Variants in KIF1B observed in about 807,000 individuals in gnomAD.
KIF1B encodes kinesin family member 1B, also known as kinesin-like protein KIF1B.
In KIF1B, 76 loss-of-function variants were observed where a neutral mutation model predicts 241.9. The ratio of observed to expected loss-of-function variants is 0.31; its 90% CI spans 0.26 to 0.38. KIF1B has a LOEUF of 0.38. Ranked by LOEUF, KIF1B falls within the 10% of genes least tolerant of loss-of-function variation. KIF1B has a pLI of 1.00. For synonymous variants in KIF1B, 750 were observed against 796.7 expected, an observed-to-expected ratio of 0.94 and a Z score of 0.99; for missense variants, 1,622 against 2,271.4, an observed-to-expected ratio of 0.71 and a Z score of 5.81.
intron 31 of KIF1B, 139 bp from the exon 32 acceptor site, chr1:10,339,630 G>T: frequency 1.3e-6 from 1 of 752,390 alleles, no homozygotes; most frequent in Non-Finnish European, 2.2e-6. Flanking sequence ...AAAGGTTCTT[G>T]ACAAGGAAAG....
In KIF1B at chr1:10,375,016, G is replaced by A; in HGVS notation, c.5259G>A (p.Glu1753=). Residue 1753 remains glutamate (E), a synonymous_variant, in exon 47 of 49, where the codon GAG becomes GAA. Transcript: ENST00000676179. ...TTAACCTGTCCACAGCACAGGTGGA[G>A]TACAGTGAGGACCAGCAGGCCATGG... The part of the protein sequence containing the change: ...GIINLSTAQV[E]YSEDQQAMVK... 1 of 1,614,186 alleles carries A rather than the reference G, an allele frequency of 6.2e-7. No homozygotes were observed. Among genetic ancestry groups the A allele is most frequent in the Non-Finnish European group, 8.5e-7 (1 of 1,180,030 alleles).
At chr1:10,215,804 C>A (rs1212460368) in intron 1 of KIF1B, among the ~76,000 whole-genome samples, 1 of 152,142 alleles carries the variant, frequency 6.6e-6, no homozygotes, top group African/African-American at 2.4e-5. Flanking sequence ...CCACCTCAGT[C>A]TTCCAAAGTG....
chr1:10,263,684 A>G (rs182602782), intron 5 of KIF1B, among the ~76,000 whole-genome samples: 1 of 152,350 alleles, frequency 6.6e-6, no homozygotes, highest in East Asian at 1.9e-4. Flanking sequence ...AATTTTCTGA[A>G]TAGCTTGTCC....
At chr1:10,309,420 CTG>C (rs1255602203) in intron 22 of KIF1B, among the ~76,000 whole-genome samples, 1 of 151,904 alleles carries the variant, frequency 6.6e-6, no homozygotes, top group East Asian at 1.9e-4. Context: ...GCTGATGAGA[CTG>C]TGGCCACACA....
intron 22 of KIF1B, among the ~76,000 whole-genome samples, chr1:10,315,880 A>AC (rs1651282226): frequency 6.6e-6 from 1 of 150,774 alleles, no homozygotes; most frequent in South Asian, 2.1e-4. Flanking sequence ...ACATGGTAAA[A>AC]CCCCCTCTCT....
chr1:10,352,590 C>T (rs80132035), intron 37 of KIF1B, 41 bp from the exon 38 acceptor site: 38,896 of 1,521,746 alleles, frequency 0.026, 606 homozygotes, highest in African/African-American at 0.038. Context: ...GTTTTGTTTT[C>T]AAATGTGTCC....
intron 40 of KIF1B, among the ~76,000 whole-genome samples, chr1:10,363,018 G>A (rs1638467015): frequency 6.6e-6 from 1 of 152,138 alleles, no homozygotes; most frequent in Non-Finnish European, 1.5e-5. Flanking sequence ...GCTGCAGTAA[G>A]TTGTGATTAC....
chr1:10,234,188 C>G (rs955786181), intron 2 of KIF1B, among the ~76,000 whole-genome samples: 1 of 151,774 alleles, frequency 6.6e-6, no homozygotes, highest in African/African-American at 2.4e-5. Flanking sequence ...CAGAGTTATA[C>G]CATGGGACCC....
chr1:10,289,125 G>T (rs1649860712), intron 15 of KIF1B, among the ~76,000 whole-genome samples: 1 of 152,068 alleles, frequency 6.6e-6, no homozygotes, highest in Non-Finnish European at 1.5e-5. Flanking sequence ...TCCATGACCA[G>T]CATTTTCACC....
In KIF1B at chr1:10,326,427, A is replaced by G; in HGVS notation, c.2924+68A>G. On this transcript the variant is annotated intron_variant, in intron 27 of 48. Coordinates refer to ENST00000676179, the MANE Select transcript of KIF1B (RefSeq NM_001365951.3). This position sits in a 1 kb window ranked among gnomAD's most constrained non-coding sequence, Gnocchi z 5.2. Reference sequence around the variant, plus strand: ...TTGCTCTGAAGGCCTCCCTGCTTGCACAATTTTGGATAACCTTGCATTAGC... The same window carrying G: ...TTGCTCTGAAGGCCTCCCTGCTTGCGCAATTTTGGATAACCTTGCATTAGC... The G allele has an allele frequency of 1.2e-6, 2 of 1,604,166 alleles. No individual in the cohort carries two copies. Among genetic ancestry groups the G allele is most frequent in the South Asian group, 2.2e-5 (2 of 90,474 alleles).
At chr1:10,216,801 A>G (rs901284974) in intron 1 of KIF1B, among the ~76,000 whole-genome samples, 1 of 151,918 alleles carries the variant, frequency 6.6e-6, no homozygotes, top group African/African-American at 2.4e-5. Context: ...CCCTTCCTCT[A>G]CTTACAAACT....
intron 5 of KIF1B, among the ~76,000 whole-genome samples, chr1:10,264,575 T>C (rs2102199627): frequency 6.6e-6 from 1 of 152,366 alleles, no homozygotes; most frequent in South Asian, 2.1e-4. Context: ...AAGAATCATC[T>C]CACTTTCTAG....
chr1:10,215,699 C>T (rs1172941325), intron 1 of KIF1B, among the ~76,000 whole-genome samples: 4 of 152,006 alleles, frequency 2.6e-5, no homozygotes, highest in Non-Finnish European at 5.9e-5. Context: ...GCATGCGCTA[C>T]CATGCCCAGC....
rs775692548 is a variant in KIF1B, at chr1:10,374,960, A to G, written c.5203A>G (p.Ser1735Gly). 13 of 1,614,160 alleles carry G rather than the reference A, an allele frequency of 8.1e-6. No homozygotes were observed. In the Admixed American group the frequency reaches 2.2e-4, roughly 27 times the overall value. The change falls in exon 47 of 49, where the codon AGT becomes GGT. Residue 1735 changes from serine to glycine, a missense_variant. Coordinates refer to ENST00000676179, the MANE Select transcript of KIF1B (RefSeq NM_001365951.3). This position sits in a 1 kb window ranked among gnomAD's most constrained non-coding sequence, Gnocchi z 4.3. ...TCGGCCTTATGTCTTCATCTATAAC[A>G]GTGACAAAGACCCTGTGGAGCGTGG... ...VRRPYVFIYN[S>G]DKDPVERGII...
At chr1:10,324,443 G>C (rs527847034) in intron 25 of KIF1B, among the ~76,000 whole-genome samples, 1 of 152,068 alleles carries the variant, frequency 6.6e-6, no homozygotes, top group East Asian at 1.9e-4. Context: ...GTATAATGAG[G>C]TATTTCCCCC....
chr1:10,305,351 G>A (rs910998342), intron 22 of KIF1B: 5 of 1,050,294 alleles, frequency 4.8e-6, no homozygotes, highest in Non-Finnish European at 5.7e-6. Context: ...TCTATAAATT[G>A]GCACTGTGTC....
intron 27 of KIF1B, among the ~76,000 whole-genome samples, chr1:10,334,149 C>CAAAAAAAA (rs372716443): frequency 1.2e-5 from 1 of 82,940 alleles, no homozygotes; most frequent in Non-Finnish European, 2.3e-5. Flanking sequence ...GACTCTGTCT[C>CAAAAAAAA]AAAAAAAAAA....
intron 2 of KIF1B, among the ~76,000 whole-genome samples, chr1:10,233,234 G>A (rs1052410246): frequency 6.6e-6 from 1 of 152,150 alleles, no homozygotes; most frequent in Non-Finnish European, 1.5e-5. Context: ...CCACATTTCA[G>A]GTAGTTCACA....
Position 10,372,658 on chromosome 1 carries a change from ACAGAGCTGTCACC to A in KIF1B, c.4946+1399_4946+1411del, listed in dbSNP as rs1273196404. 4.3e-5 allele frequency among the ~76,000 whole-genome samples: 5 copies of A among 116,668 alleles called. No individual in the cohort carries two copies. In the East Asian group the frequency reaches 9.6e-4, roughly 22 times the overall value. 76.5% of individuals were successfully genotyped at this position (116,668 alleles called of 152,430 possible). Reference sequence around the variant, plus strand: ...GCGCCGCTGCGCGCCAGCTTGGGTGACAGAGCTGTCACCCAAGCTGGCGCGCAGCGGCGCAATC... The same window carrying A: ...GCGCCGCTGCGCGCCAGCTTGGGTGACAAGCTGGCGCGCAGCGGCGCAATC... On this transcript the variant is annotated intron_variant, in intron 45 of 48. Transcript: ENST00000676179.
Sources: allele counts gnomAD v4.1 joint callset (sites outside exome capture counted in the v4.1 genomes callset), GRCh38; gene constraint gnomAD v4.1.1; non-coding constraint Gnocchi (gnomAD v3.1); transcripts MANE v1.5; gene names NCBI Gene and HGNC (gene_info 2026-07-23, HGNC 2026-07-21).